DOT1L: variants seen among roughly 807,000 people sequenced by gnomAD.
DOT1L encodes DOT1 like histone lysine methyltransferase, also known as histone-lysine N-methyltransferase, H3 lysine-79 specific.
A neutral mutation model predicts 153.3 loss-of-function variants in DOT1L; 33 were observed. That is an observed-to-expected ratio of 0.22 (90% CI 0.16 to 0.29). The LOEUF (loss-of-function observed/expected upper bound fraction) is 0.29, where lower values mean the gene tolerates loss of function less well. DOT1L is among the 10% of genes least tolerant of loss of function. The pLI is 1.00. For synonymous variants in DOT1L, 1,135 were observed against 965.1 expected, an observed-to-expected ratio of 1.18 and a Z score of -3.26; for missense variants, 1,847 against 2,119.9, an observed-to-expected ratio of 0.87 and a Z score of 2.53.
chr19:2,164,030 CGCGGCG>C lies in DOT1L; in HGVS notation c.-137_-132del, dbSNP rs576715318. 3.3e-6 allele frequency: 1 copy of C among 301,100 alleles called. No individual in the cohort carries two copies. The highest frequency in any genetic ancestry group is 5.2e-6 in the Non-Finnish European group (1 of 193,078). The allele number at this position is 301,100 out of a possible 1,614,324, so 18.7% of individuals were successfully genotyped here. On this transcript the variant is annotated 5_prime_UTR_variant, in exon 1 of 28. Transcript: ENST00000398665. ...AGTCGGGGGCCGGGCCGGACCGGAG[CGCGGCG>C]GCGGCGGCGGCGGCGGCCGAGGCCG...
chr19:2,180,633 C>T, intron 1 of DOT1L, 80 bp from the exon 2 acceptor site: 1 of 1,547,540 alleles, frequency 6.5e-7, no homozygotes. Flanking sequence ...AAGTTGACGG[C>T]ATCGCTTGTC....
Position 2,204,440 on chromosome 19 carries a change from C to A in DOT1L, c.787+1661C>A, listed in dbSNP as rs2023418746. ...ACACCATGCTTCCCCGCCCAGTCGC[C>A]CCCACACCCCAGCAGCACTACGGGC... On this transcript the variant is annotated intron_variant, in intron 9 of 27. Transcript: ENST00000398665. The surrounding 1 kb of genome is among the most constrained non-coding windows in gnomAD (Gnocchi z 5.7). 6.6e-6 allele frequency among the ~76,000 whole-genome samples: 1 copy of A among 152,116 alleles called. No homozygotes were observed. Among genetic ancestry groups the A allele is most frequent in the African/African-American group, 2.4e-5 (1 of 41,404 alleles).
Position 2,229,794 on chromosome 19 carries a change from A to T in DOT1L, c.*2A>T. On this transcript the variant is annotated 3_prime_UTR_variant, in exon 28 of 28. Coordinates refer to ENST00000398665, the MANE Select transcript of DOT1L (RefSeq NM_032482.3). The stretch of plus-strand genomic sequence containing the variant: ...CTGTGCCCTTCTGCAGGTAACTAGG[A>T]TTTCTACCTCAACCGCGAGACCTAT... 6.2e-7 allele frequency: 1 copy of T among 1,613,214 alleles called. No homozygotes were observed. Among genetic ancestry groups the T allele is most frequent in the Non-Finnish European group, 8.5e-7 (1 of 1,179,902 alleles).
chr19:2,203,185 C>T (rs753050618), intron 9 of DOT1L, among the ~76,000 whole-genome samples: 8 of 152,222 alleles, frequency 5.3e-5, no homozygotes, highest in Non-Finnish European at 7.3e-5. Flanking sequence ...TTACCGCAAC[C>T]TCTGCCTCCC....
chr19:2,230,371 C>A lies in DOT1L; in HGVS notation c.*579C>A. 1 of 408,538 alleles carries A rather than the reference C, an allele frequency of 2.4e-6. No homozygotes were observed. The highest frequency in any genetic ancestry group is 4.3e-6 in the Non-Finnish European group (1 of 232,626). 25.3% of individuals were successfully genotyped at this position (408,538 alleles called of 1,614,324 possible). On this transcript the variant is annotated 3_prime_UTR_variant, in exon 28 of 28. Coordinates refer to ENST00000398665, the MANE Select transcript of DOT1L (RefSeq NM_032482.3). ...TGAGCGCCCTGGCGCCTGCCCTGAGCTCTTCACCTTTACCCCGGCACTGTG... is the reference window on the plus strand; with the variant it reads ...TGAGCGCCCTGGCGCCTGCCCTGAGATCTTCACCTTTACCCCGGCACTGTG...
chr19:2,223,214 G>C, intron 24 of DOT1L, 67 bp from the exon 25 acceptor site: 2 of 1,565,692 alleles, frequency 1.3e-6, no homozygotes, highest in Non-Finnish European at 1.7e-6. Context: ...CCTGGGGCGG[G>C]GGGGCTCTCC....
Position 2,210,799 on chromosome 19 carries a change from C to T in DOT1L, c.1295C>T (p.Ala432Val), listed in dbSNP as rs768650995. ...PERKPKKNQTALDALHAQTVS... is the reference protein window; with the variant it reads ...PERKPKKNQTVLDALHAQTVS... ...CGGAAGCCCAAGAAGAACCAAACTG[C>T]ACTGGATGCCCTGCACGCTCAGACC... is the stretch of plus-strand genomic sequence containing the variant. The change falls in exon 14 of 28, where the codon GCA becomes GTA. Residue 432 changes from alanine to valine, a missense_variant. Around this residue, in one of 8 missense-constraint regions of DOT1L, gnomAD observed 205 missense variants for 203.1 expected, o/e 1.01. Transcript: ENST00000398665. 2.5e-6 allele frequency: 4 copies of T among 1,612,990 alleles called. No individual in the cohort carries two copies. In the East Asian group the frequency reaches 8.9e-5, roughly 36 times the overall value.
chr19:2,194,826 C>T (rs1469254462), intron 7 of DOT1L, among the ~76,000 whole-genome samples: 1 of 152,236 alleles, frequency 6.6e-6, no homozygotes, highest in African/African-American at 2.4e-5. Context: ...ATGCGGTGCA[C>T]AGAGGTGGTG....
chr19:2,194,168 T>G (rs576423675), intron 6 of DOT1L, among the ~76,000 whole-genome samples: 8 of 152,134 alleles, frequency 5.3e-5, no homozygotes, highest in East Asian at 1.9e-4. Flanking sequence ...TTGTTGTTTT[T>G]TTTTGTTTTG....
chr19:2,219,400 C>G (rs1451485416), intron 22 of DOT1L, among the ~76,000 whole-genome samples: 1 of 152,246 alleles, frequency 6.6e-6, no homozygotes, highest in East Asian at 1.9e-4. Context: ...ACTCCCTAGT[C>G]GTCCCCCAGC....
intron 27 of DOT1L, chr19:2,228,559 G>A: frequency 1.0e-6 from 1 of 985,412 alleles, no homozygotes; most frequent in South Asian, 4.7e-5. Context: ...ACGGGCACCA[G>A]CCATGGAGTG....
intron 2 of DOT1L, among the ~76,000 whole-genome samples, chr19:2,181,895 T>C (rs749518230): frequency 1.9e-4 from 29 of 152,154 alleles, no homozygotes; most frequent in Admixed American, 3.3e-4. Context: ...TGGGCCTCTG[T>C]GGGTGCTCCT....
At chr19:2,194,686 T>TGGCTGTTGGCACAC in intron 7 of DOT1L, 109 bp downstream of exon 7, 1 of 1,195,156 alleles carries the variant, frequency 8.4e-7, no homozygotes, top group Non-Finnish European at 1.2e-6. Flanking sequence ...TGTTGGCACA[T>TGGCTGTTGGCACAC]GGTGTGCCCC....
Position 2,213,969 on chromosome 19 carries a change from G to A in DOT1L, c.1780G>A (p.Gly594Ser), listed in dbSNP as rs376032475. ...GGAGCAGGACAACCGCGCGCTCCGC[G>A]GCCAGAGCTTGCAGCTGGTGGGTGC... ...QLEQDNRALR[G>S]QSLQLLKARC... Residue 594 changes from glycine (G) to serine (S), a missense_variant, in exon 18 of 28, where the codon GGC (glycine) becomes AGC (serine). Gly to Ser is a moderately conservative substitution (Grantham distance 56). This residue lies in a region of DOT1L where 156 missense variants were observed against 235.7 expected (regional missense o/e 0.66). Transcript: ENST00000398665. 7.4e-6 allele frequency: 12 copies of A among 1,612,688 alleles called. No homozygotes were observed. The East Asian group carries it at 1.1e-4, about 15-fold the overall frequency.
intron 7 of DOT1L, 74 bp from the exon 8 acceptor site, chr19:2,199,810 C>A (rs886820871): frequency 3.9e-6 from 6 of 1,550,000 alleles, no homozygotes; most frequent in African/African-American, 2.7e-5. Flanking sequence ...TCCATTCTTT[C>A]TTCACAGGGG....
At chr19:2,187,784 T>C (rs529702268) in intron 3 of DOT1L, among the ~76,000 whole-genome samples, 36 of 151,912 alleles carry the variant, frequency 2.4e-4, no homozygotes, top group East Asian at 1.9e-3. Context: ...TAGCCGGGCG[T>C]GGTGGCGGGT....
At chr19:2,219,589 G>C (rs1303500034) in intron 22 of DOT1L, among the ~76,000 whole-genome samples, 1 of 152,242 alleles carries the variant, frequency 6.6e-6, no homozygotes, top group Non-Finnish European at 1.5e-5. Flanking sequence ...CCAGGTTTCT[G>C]TGTGGATGTA....
At chr19:2,201,274 GTCCTCCCCATGCCCGTCA>G (rs2023269139) in intron 8 of DOT1L, among the ~76,000 whole-genome samples, 1 of 143,070 alleles carries the variant, frequency 7.0e-6, no homozygotes, top group African/African-American at 2.7e-5. Context: ...CGCATTCCTC[GTCCTCCCCATGCCCGTCA>G]TCCTCCCTGT....
chr19:2,228,173 C>T (rs1036855592), intron 27 of DOT1L: 4 of 1,364,506 alleles, frequency 2.9e-6, no homozygotes, highest in Non-Finnish European at 3.9e-6. Flanking sequence ...CCCTCCCGCA[C>T]AAGGGCGCCC....
Sources: gnomAD v4.1 joint callset for allele counts (sites outside exome capture counted in the v4.1 genomes callset) on GRCh38, gnomAD v4.1.1 for gene constraint, gnomAD v4.1.1 regional missense constraint, Gnocchi (gnomAD v3.1) non-coding constraint, MANE v1.5 for transcripts, NCBI Gene and HGNC (gene_info 2026-07-23, HGNC 2026-07-21) for gene names.